The following PHEX variants were observed in gnomAD, a reference collection of about 807,000 sequenced individuals.
PHEX encodes the protein phosphate-regulating neutral endopeptidase PHEX.
PHEX carries 16 observed loss-of-function variants against 68.0 expected under a neutral mutation model. That is an observed-to-expected ratio of 0.24 (90% CI 0.16 to 0.36). The LOEUF is 0.36. Among genes scored for constraint, PHEX ranks in the 10% least tolerant of loss-of-function variants. PHEX has a pLI of 1.00. For synonymous variants in PHEX, 208 were observed against 205.1 expected (o/e 1.01, Z -0.12); for missense variants, 480 against 575.5 (o/e 0.83, Z 1.70).
chrX:22,171,088 A>G (rs1289298499), intron 13 of PHEX: 5 of 112,201 alleles, frequency 4.5e-5, no homozygotes, highest in Non-Finnish European at 9.4e-5. Context: ...GTTTTAGTCA[A>G]TTTACACGGT....
At chrX:22,242,098 A>C (rs1049185716) in intron 20 of PHEX, among the ~76,000 whole-genome samples, 45 of 111,922 alleles carry the variant, frequency 4.0e-4, no homozygotes, top group African/African-American at 1.3e-3. Context: ...TTGGCTTCAT[A>C]CCTGGGATGC....
chrX:22,145,429 G>A (rs1264131667), intron 12 of PHEX, among the ~76,000 whole-genome samples: 2 of 111,208 alleles, frequency 1.8e-5, no homozygotes, highest in Admixed American at 9.6e-5. Context: ...CAGCCTGGCC[G>A]ACATGGTGAA....
chrX:22,245,459 T>G, intron 21 of PHEX, 50 bp downstream of exon 21: 1 of 827,426 alleles, frequency 1.2e-6, no homozygotes, highest in Non-Finnish European at 1.8e-6. Flanking sequence ...ATCTCCCCCC[T>G]TCCTCCCCCA....
chrX:22,209,922 G>A (rs1180112400), intron 15 of PHEX, among the ~76,000 whole-genome samples: 1 of 105,902 alleles, frequency 9.4e-6, no homozygotes, highest in Non-Finnish European at 1.9e-5. Flanking sequence ...AACAGGTGGC[G>A]AGGTGGTGTT....
intron 13 of PHEX, chrX:22,169,789 C>CT (rs1424566741): frequency 8.9e-6 from 1 of 112,730 alleles, no homozygotes; most frequent in African/African-American, 3.2e-5. Context: ...GCTTCTTGTA[C>CT]TTACTAGTTA....
chrX:22,180,727 A>G lies in PHEX; in HGVS notation c.1586+2351A>G, dbSNP rs188554080. 4.8e-4 allele frequency among the ~76,000 whole-genome samples: 54 copies of G among 111,785 alleles called. 1 individual carries two copies. Among genetic ancestry groups the G allele is most frequent in the African/African-American group, 1.7e-3 (52 of 30,782 alleles). On this transcript the variant is annotated intron_variant, in intron 14 of 21. Coordinates refer to ENST00000379374, the MANE Select transcript of PHEX (RefSeq NM_000444.6). ...CTATCAAATAGATCTTATTCATTCT[A>G]TCTAAGTATATTTTTGTACCCATTA... is the stretch of plus-strand genomic sequence containing the variant.
intron 12 of PHEX, among the ~76,000 whole-genome samples, chrX:22,158,362 G>A (rs1159166190): frequency 8.9e-6 from 1 of 112,202 alleles, no homozygotes; most frequent in Non-Finnish European, 1.9e-5. Context: ...GCCACTGCAA[G>A]CTTAGGAAAG....
chrX:22,041,889 C>G (rs773570713), intron 2 of PHEX, among the ~76,000 whole-genome samples: 1 of 111,615 alleles, frequency 9.0e-6, no homozygotes, highest in African/African-American at 3.2e-5. Flanking sequence ...TTGCCTTCTG[C>G]CAGCTAGTGT....
At chrX:22,123,756 C>A (rs142216764) in intron 11 of PHEX, among the ~76,000 whole-genome samples, 2 of 110,541 alleles carry the variant, frequency 1.8e-5, no homozygotes, top group African/African-American at 6.6e-5. Flanking sequence ...TATCATTTAA[C>A]GCCAAGTCTG....
At chrX:22,192,670 A>G (rs1569423452) in intron 15 of PHEX, among the ~76,000 whole-genome samples, 1 of 111,790 alleles carries the variant, frequency 8.9e-6, no homozygotes, top group Non-Finnish European at 1.9e-5. Flanking sequence ...AACTTCCCCA[A>G]GTGACCTGCC....
At chrX:22,148,073 GTATTT>G (rs1329275693) in intron 12 of PHEX, among the ~76,000 whole-genome samples, 2 of 111,354 alleles carry the variant, frequency 1.8e-5, no homozygotes, top group Non-Finnish European at 1.9e-5. Flanking sequence ...CTTAAAACAA[GTATTT>G]TATTATTTCC....
At chrX:22,185,214 A>G (rs150482051) in intron 14 of PHEX, among the ~76,000 whole-genome samples, 3 of 112,387 alleles carry the variant, frequency 2.7e-5, no homozygotes, top group African/African-American at 9.7e-5. Flanking sequence ...CACAGACTGC[A>G]GAAGCACCCT....
At position 22,126,153 on chromosome X, in the gene PHEX, A is replaced by G. The variant is rs184998552; in HGVS notation, c.1303-7370A>G. Among the ~76,000 whole-genome samples, 539 of 112,579 alleles carry G rather than the reference A, an allele frequency of 4.8e-3. 2 individuals carry two copies. The highest frequency in any genetic ancestry group is 7.5e-3 in the Non-Finnish European group (399 of 53,290). ...AAAACTAACAAAATTTTAAATTAGC[A>G]GAATACTTTTTTGTTTGCTTACATA... is the stretch of plus-strand genomic sequence containing the variant. On this transcript the variant is annotated intron_variant, in intron 11 of 21. Coordinates refer to ENST00000379374, the MANE Select transcript of PHEX (RefSeq NM_000444.6).
At chrX:22,137,458 C>T (rs1473171568) in intron 12 of PHEX, among the ~76,000 whole-genome samples, 1 of 111,484 alleles carries the variant, frequency 9.0e-6, no homozygotes, top group African/African-American at 3.3e-5. Flanking sequence ...GTGACTCTCA[C>T]ACACAGGCTT....
At chrX:22,241,630 G>A (rs1779291462) in intron 20 of PHEX, among the ~76,000 whole-genome samples, 1 of 112,018 alleles carries the variant, frequency 8.9e-6, no homozygotes, top group Non-Finnish European at 1.9e-5. Context: ...TACCATCAGA[G>A]AATACTATAA....
At position 22,233,240 on chromosome X, in the gene PHEX, C is replaced by T. The variant is rs189266096; in HGVS notation, c.2070+5629C>T. ...GACCTTTCTCTCTGGCTCCCCTTAA[C>T]TTTTTTTCCTCCATTTCAACCTTGG... On this transcript the variant is annotated intron_variant, in intron 20 of 21. Transcript: ENST00000379374. Among the ~76,000 whole-genome samples the T allele has an allele frequency of 2.7e-5, 3 of 111,568 alleles. No homozygotes were observed. In the East Asian group the frequency reaches 8.4e-4, roughly 31 times the overall value.
At chrX:22,034,943 C>T (rs34863000) in intron 1 of PHEX, among the ~76,000 whole-genome samples, 181 of 111,023 alleles carry the variant, frequency 1.6e-3, no homozygotes, top group South Asian at 3.4e-3. Context: ...CCCCTCTCCC[C>T]GTCCCTCTCC....
chrX:22,052,959 A>AT (rs1415639249), intron 3 of PHEX, among the ~76,000 whole-genome samples: 2 of 111,344 alleles, frequency 1.8e-5, no homozygotes, highest in Non-Finnish European at 3.8e-5. Context: ...TAAAAAATAT[A>AT]TATATTTTGA....
chrX:22,134,252 G>A (rs2269464), intron 12 of PHEX, among the ~76,000 whole-genome samples: 2,721 of 112,071 alleles, frequency 0.024, 69 homozygotes, highest in South Asian at 0.079. Flanking sequence ...TATGCGACAC[G>A]ATAAGGGAAC....
Sources: allele counts gnomAD v4.1 joint callset (sites outside exome capture counted in the v4.1 genomes callset), GRCh38; gene constraint gnomAD v4.1.1; transcripts MANE v1.5; gene names NCBI Gene and HGNC (gene_info 2026-07-23, HGNC 2026-07-21).